Variants in ATP8B4 observed in about 807,000 individuals in gnomAD.
ATP8B4 encodes probable phospholipid-transporting ATPase IM.
Under a neutral mutation model 145.6 loss-of-function variants are expected in ATP8B4, and 133 were observed. The ratio of observed to expected loss-of-function variants is 0.91; its 90% CI spans 0.79 to 1.05. ATP8B4 has a LOEUF of 1.05. ATP8B4 is among the 50% of genes least tolerant of loss of function. The pLI is 0.00. For synonymous variants in ATP8B4, 507 were observed against 492.9 expected, an observed-to-expected ratio of 1.03 and a Z score of -0.38; for missense variants, 1,458 against 1,425.2, an observed-to-expected ratio of 1.02 and a Z score of -0.37.
chr15:50,027,379 G>GGATGGA (rs2050086017), intron 6 of ATP8B4, among the ~76,000 whole-genome samples: 2 of 149,028 alleles, frequency 1.3e-5, no homozygotes, highest in African/African-American at 2.5e-5. Context: ...GGATGGATGG[G>GGATGGA]TGGATGGATG....
intron 9 of ATP8B4, among the ~76,000 whole-genome samples, chr15:49,989,352 C>G (rs896143864): frequency 6.6e-6 from 1 of 151,750 alleles, no homozygotes; most frequent in African/African-American, 2.4e-5. Context: ...AACAGGTTGA[C>G]AGCAACGCTT....
At chr15:50,125,685 C>T (rs1232995579) in intron 1 of ATP8B4, among the ~76,000 whole-genome samples, 3 of 152,120 alleles carry the variant, frequency 2.0e-5, no homozygotes, top group African/African-American at 7.2e-5. Context: ...TCTGTGGGGG[C>T]AATTGTTTAA....
intron 1 of ATP8B4, among the ~76,000 whole-genome samples, chr15:50,172,210 C>G (rs1188128588): frequency 6.6e-6 from 1 of 152,232 alleles, no homozygotes; most frequent in Non-Finnish European, 1.5e-5. Context: ...CTGGACTGTA[C>G]TGCCGCCATC....
chr15:49,873,761 C>T (rs967888943), intron 25 of ATP8B4, among the ~76,000 whole-genome samples: 3 of 152,162 alleles, frequency 2.0e-5, no homozygotes, highest in African/African-American at 7.2e-5. Flanking sequence ...GCACATCCCA[C>T]CTTCTGAGGC....
intron 10 of ATP8B4, among the ~76,000 whole-genome samples, chr15:49,984,633 G>A (rs753005677): frequency 3.3e-5 from 5 of 152,162 alleles, no homozygotes; most frequent in Non-Finnish European, 7.4e-5. Context: ...GCCTGGAGGA[G>A]TAAATACCTT....
At chr15:50,042,154 TAA>T (rs34554435) in intron 5 of ATP8B4, among the ~76,000 whole-genome samples, 21 of 134,818 alleles carry the variant, frequency 1.6e-4, no homozygotes, top group African/African-American at 3.0e-4. Flanking sequence ...GACTCTGTCT[TAA>T]AAAAAAAAAA....
rs1432636159 is a variant in ATP8B4 at position 49,859,847 on chromosome 15, G to T, written c.*347C>A. On this transcript the variant is annotated 3_prime_UTR_variant, in exon 28 of 28. Transcript: ENST00000284509. The stretch of plus-strand genomic sequence containing the variant: ...AAAATGCACCCTTTTATCCGCCTGA[G>T]GATCCATTCAGTGAATATGCAGCTT... 4.4e-6 allele frequency: 1 copy of T among 227,952 alleles called. No homozygotes were observed. The highest frequency in any genetic ancestry group is 2.3e-5 in the African/African-American group (1 of 43,576). The allele number at this position is 227,952 out of a possible 1,614,324, so 14.1% of individuals were successfully genotyped here. A position where few individuals can be genotyped will look rare whatever the true frequency, so the allele number is the denominator to read the frequency against.
intron 23 of ATP8B4, chr15:49,896,361 A>G (rs1429023129): frequency 6.6e-6 from 1 of 152,260 alleles, no homozygotes; most frequent in Non-Finnish European, 1.5e-5. Context: ...CATTGTAAAA[A>G]GGAATTCACT....
chr15:49,870,979 A>G (rs1427119070), intron 25 of ATP8B4, among the ~76,000 whole-genome samples: 1 of 152,230 alleles, frequency 6.6e-6, no homozygotes, highest in Non-Finnish European at 1.5e-5. Context: ...CACATGAGTG[A>G]GAGAGGTGGG....
intron 3 of ATP8B4, among the ~76,000 whole-genome samples, chr15:50,063,382 AC>A (rs1011942438): frequency 6.6e-6 from 1 of 151,804 alleles, no homozygotes; most frequent in African/African-American, 2.4e-5. Flanking sequence ...AAATGCCTGG[AC>A]TCCACCCCTA....
At chr15:50,064,602 C>T (rs1290664872) in intron 3 of ATP8B4, among the ~76,000 whole-genome samples, 1 of 152,104 alleles carries the variant, frequency 6.6e-6, no homozygotes, top group African/African-American at 2.4e-5. Flanking sequence ...AAGTTTAATG[C>T]CTAAGTAGCT....
intron 14 of ATP8B4, among the ~76,000 whole-genome samples, chr15:49,948,281 CAAA>C (rs35575312): frequency 1.8e-5 from 2 of 112,314 alleles, no homozygotes; most frequent in African/African-American, 3.3e-5. Flanking sequence ...ACTAAAAATA[CAAA>C]AAAAAAAAAA....
chr15:49,859,471 C>G lies in ATP8B4; in HGVS notation c.*723G>C, dbSNP rs1029585777. 1 of 152,196 alleles carries G rather than the reference C, an allele frequency of 6.6e-6. No homozygotes were observed. The highest frequency in any genetic ancestry group is 2.4e-5 in the African/African-American group (1 of 41,456). The allele number at this position is 152,196 out of a possible 1,614,324, so 9.4% of individuals were successfully genotyped here. On this transcript the variant is annotated 3_prime_UTR_variant, in exon 28 of 28. Coordinates refer to ENST00000284509, the MANE Select transcript of ATP8B4 (RefSeq NM_024837.4). ...TTAGAATACTTAGTGGCGAGCCTCTCTCACATTTCATAAGCATGTCCTTAC... is the reference window on the plus strand; with the variant it reads ...TTAGAATACTTAGTGGCGAGCCTCTGTCACATTTCATAAGCATGTCCTTAC...
At chr15:49,918,589 T>C (rs2039967853) in intron 19 of ATP8B4, among the ~76,000 whole-genome samples, 1 of 152,214 alleles carries the variant, frequency 6.6e-6, no homozygotes, top group Admixed American at 6.5e-5. Context: ...GTGTAATGAT[T>C]ATATTCAAGA....
At chr15:49,897,875 G>C (rs1193837048) in intron 22 of ATP8B4, among the ~76,000 whole-genome samples, 193 bp downstream of exon 22, 1 of 151,990 alleles carries the variant, frequency 6.6e-6, no homozygotes, top group Non-Finnish European at 1.5e-5. Context: ...ATACACAAAT[G>C]GTTTATTTAA....
At position 50,039,842 on chromosome 15, in the gene ATP8B4, C is replaced by T. The variant is rs563160761; in HGVS notation, c.301-1013G>A. On this transcript the variant is annotated intron_variant, in intron 5 of 27. Transcript: ENST00000284509. ...CCCAATCTTTCTATTATGCTATGCC[C>T]AGTACATACAATTACTCAGAATGAC... 1.4e-4 allele frequency among the ~76,000 whole-genome samples: 21 copies of T among 152,238 alleles called. No homozygotes were observed. In the South Asian group the frequency reaches 2.7e-3, roughly 20 times the overall value.
chr15:50,027,379 G>GGATGGATGGATGGA (rs2050086017), intron 6 of ATP8B4, among the ~76,000 whole-genome samples: 1 of 148,912 alleles, frequency 6.7e-6, no homozygotes, highest in Non-Finnish European at 1.5e-5. Flanking sequence ...GGATGGATGG[G>GGATGGATGGATGGA]TGGATGGATG....
intron 1 of ATP8B4, among the ~76,000 whole-genome samples, chr15:50,158,866 T>C (rs11070758): frequency 0.56 from 85,806 of 152,032 alleles, 24,906 homozygotes; most frequent in East Asian, 0.93. Flanking sequence ...GGATTAAGGG[T>C]GGTGCAAGAT....
intron 2 of ATP8B4, among the ~76,000 whole-genome samples, chr15:50,085,441 T>C (rs2054837388): frequency 6.6e-6 from 1 of 152,120 alleles, no homozygotes; most frequent in Non-Finnish European, 1.5e-5. Flanking sequence ...AGTCTATTTA[T>C]GTGATTCACA....
Sources: allele counts gnomAD v4.1 joint callset (sites outside exome capture counted in the v4.1 genomes callset), GRCh38; gene constraint gnomAD v4.1.1; transcripts MANE v1.5; gene names NCBI Gene and HGNC (gene_info 2026-07-23, HGNC 2026-07-21).